NLRP2: variants seen among roughly 807,000 people sequenced by gnomAD.
NLRP2 encodes NACHT, LRR and PYD domains-containing protein 2.
A neutral mutation model predicts 97.2 loss-of-function variants in NLRP2; 107 were observed. The observed-to-expected ratio is 1.10, with a 90% CI of 0.94 to 1.29. The LOEUF (loss-of-function observed/expected upper bound fraction) is 1.29, where lower values mean the gene tolerates loss of function less well. Ranked by LOEUF, NLRP2 falls within the 50% of genes most tolerant of loss-of-function variation. The pLI is 0.00. For missense variants in NLRP2, 1,495 were observed against 1,330.3 expected (o/e 1.12, Z -1.93); for synonymous variants, 663 against 551.5 (o/e 1.20, Z -2.83).
chr19:54,997,700 C>T (rs1032850392), intron 12 of NLRP2, among the ~76,000 whole-genome samples: 2 of 152,034 alleles, frequency 1.3e-5, no homozygotes, highest in Non-Finnish European at 1.5e-5. Flanking sequence ...GGTGATCCGC[C>T]CGCCTCGGCC....
At chr19:54,975,606 C>T (rs1282908264) in intron 3 of NLRP2, among the ~76,000 whole-genome samples, 4 of 150,942 alleles carry the variant, frequency 2.7e-5, no homozygotes, top group East Asian at 2.0e-4. Context: ...CGCCCACCAC[C>T]ACGCCTGGCT....
intron 2 of NLRP2, 122 bp downstream of exon 2, chr19:54,970,417 G>A: frequency 8.6e-7 from 1 of 1,156,198 alleles, no homozygotes. Flanking sequence ...TTGGGAGGCT[G>A]AGGCGGTTGG....
At chr19:54,996,349 A>G (rs2072824014) in intron 11 of NLRP2, among the ~76,000 whole-genome samples, 1 of 151,994 alleles carries the variant, frequency 6.6e-6, no homozygotes, top group African/African-American at 2.4e-5. Flanking sequence ...TGTCTCTCTA[A>G]AACCACAAAA....
At chr19:54,985,253 G>A in intron 7 of NLRP2, 36 bp downstream of exon 7, 1 of 1,595,562 alleles carries the variant, frequency 6.3e-7, no homozygotes, top group South Asian at 1.1e-5. Context: ...CAAATCCTTA[G>A]GGTATGAAAA....
chr19:54,981,686 T>G lies in NLRP2; in HGVS notation c.463+4T>G. 11 of 1,501,676 alleles carry G rather than the reference T, an allele frequency of 7.3e-6. No individual in the cohort carries two copies. The highest frequency in any genetic ancestry group is 1.0e-5 in the Non-Finnish European group (11 of 1,077,374). 93.0% of individuals were successfully genotyped at this position (1,501,676 alleles called of 1,614,324 possible). ...GTCTTTAAAGGAAAAAAGCCAGGTCTGTACCATATCTTCCTGCAGGGAGCT... is the reference window on the plus strand; with the variant it reads ...GTCTTTAAAGGAAAAAAGCCAGGTCGGTACCATATCTTCCTGCAGGGAGCT... On this transcript the variant is annotated splice_donor_region_variant and intron_variant, in intron 5 of 12. Transcript: ENST00000448584.
At chr19:54,977,603 C>CT in intron 3 of NLRP2, 149 bp from the exon 4 acceptor site, 1 of 773,488 alleles carries the variant, frequency 1.3e-6, no homozygotes, top group Non-Finnish European at 2.3e-6. Flanking sequence ...GCCTAATGTA[C>CT]TTTCACTTTT....
intron 4 of NLRP2, 52 bp downstream of exon 4, chr19:54,977,875 TTGC>T (rs1342499353): frequency 1.3e-6 from 2 of 1,519,646 alleles, no homozygotes; most frequent in African/African-American, 1.4e-5. Context: ...CCCCCCGTTC[TTGC>T]TGCTATCTCC....
At chr19:54,969,520 T>G (rs1037608649) in intron 1 of NLRP2, among the ~76,000 whole-genome samples, 1 of 147,858 alleles carries the variant, frequency 6.8e-6, no homozygotes, top group Non-Finnish European at 1.5e-5. Context: ...CTGAGCGTGG[T>G]GGTGGGTGCC....
rs369991898 is a variant in NLRP2, at chr19:54,982,583, C to T, written c.885C>T (p.Ala295=). 20 of 1,614,162 alleles carry T rather than the reference C, an allele frequency of 1.2e-5. No homozygotes were observed. The highest frequency in any genetic ancestry group is 9.3e-5 in the African/African-American group (7 of 75,036). ...TTGACGGCTTTGATGAGCTGGGAGC[C>T]GCACCTGGGGCGCTGATCGAGGACA... is the stretch of plus-strand genomic sequence containing the variant. ...FVIDGFDELG[A]APGALIEDIC... Residue 295 remains alanine (A), a synonymous_variant, in exon 6 of 13, where the codon GCC becomes GCT. Coordinates refer to ENST00000448584, the MANE Select transcript of NLRP2 (RefSeq NM_017852.5).
Position 54,983,513 on chromosome 19 carries a change from C to G in NLRP2, c.1815C>G (p.Leu605=), listed in dbSNP as rs11672113. ...CAACGGTGACAGACCTGCAGGAGCT[C>G]CTCGGCTGTCTGTACGAGTCTCAGG... is the stretch of plus-strand genomic sequence containing the variant. ...GHSTVTDLQE[L]LGCLYESQEE... Residue 605 remains leucine (L), a synonymous_variant, in exon 6 of 13, where the codon CTC becomes CTG. Transcript: ENST00000448584. The G allele has an allele frequency of 0.36, 576,491 of 1,613,868 alleles. 105,684 individuals are homozygous for G. Among genetic ancestry groups the G allele is most frequent in the Admixed American group, 0.39 (23,167 of 59,948 alleles).
At chr19:54,989,340 C>T (rs1238897938) in intron 8 of NLRP2, among the ~76,000 whole-genome samples, 2 of 151,890 alleles carry the variant, frequency 1.3e-5, no homozygotes, top group Admixed American at 6.6e-5. Context: ...GGCAAGATGG[C>T]ATTTGCCTGT....
At chr19:54,979,742 ATC>A (rs1285022051) in intron 4 of NLRP2, among the ~76,000 whole-genome samples, 4 of 152,092 alleles carry the variant, frequency 2.6e-5, no homozygotes, top group Non-Finnish European at 5.9e-5. Context: ...TGCCCTGTTC[ATC>A]TCTCTAGACA....
At chr19:54,999,389 C>T (rs1009228195) in intron 12 of NLRP2, among the ~76,000 whole-genome samples, 10 of 152,208 alleles carry the variant, frequency 6.6e-5, no homozygotes, top group Admixed American at 4.6e-4. Context: ...TCAGGTGACC[C>T]GCCTGCCTCA....
At position 54,994,286 on chromosome 19, in the gene NLRP2, T is replaced by G; in HGVS notation, c.2726T>G (p.Ile909Arg). 6.2e-7 allele frequency: 1 copy of G among 1,614,120 alleles called. No individual in the cohort carries two copies. The highest frequency in any genetic ancestry group is 1.1e-5 in the South Asian group (1 of 91,078). ...ATTTCTAGGCTTTGGAACTGCGACA[T>G]AACTAGCGATGGCTGCTGCGATCTC... ...LQTLVLWNCD[I>R]TSDGCCDLTK... The change falls in exon 11 of 13, where the codon ATA (isoleucine) becomes AGA (arginine). Residue 909 changes from isoleucine (I) to arginine (R), a missense_variant. Physicochemically the swap from Ile to Arg is moderately conservative, Grantham distance 97 (BLOSUM62 -3). Transcript: ENST00000448584.
At chr19:54,972,289 C>A (rs544433317) in intron 2 of NLRP2, among the ~76,000 whole-genome samples, 1 of 152,014 alleles carries the variant, frequency 6.6e-6, no homozygotes, top group Non-Finnish European at 1.5e-5. Context: ...TCAAGTGTTT[C>A]TCCTGCATCA....
intron 4 of NLRP2, among the ~76,000 whole-genome samples, chr19:54,981,151 C>T (rs898346703): frequency 6.6e-6 from 1 of 152,178 alleles, no homozygotes; most frequent in African/African-American, 2.4e-5. Flanking sequence ...TTTGTATGCC[C>T]TGAACCATGG....
chr19:54,986,307 A>C lies in NLRP2; in HGVS notation c.2358A>C (p.Arg786=). The C allele has an allele frequency of 1.2e-6, 2 of 1,613,582 alleles. No individual in the cohort carries two copies. The highest frequency in any genetic ancestry group is 1.7e-6 in the Non-Finnish European group (2 of 1,179,510). Reference sequence around the variant, plus strand: ...TGAGACATCCAGAATGTAACCTGCGATATCTCGGGTATATCTCTTAATCAT... The same window carrying C: ...TGAGACATCCAGAATGTAACCTGCGCTATCTCGGGTATATCTCTTAATCAT... ...EVLRHPECNL[R]YLGLVSCSAT... is the part of the protein sequence containing the mutation. Residue 786 remains arginine, a synonymous_variant, in exon 8 of 13, where the codon CGA becomes CGC. Coordinates refer to ENST00000448584, the MANE Select transcript of NLRP2 (RefSeq NM_017852.5).
At chr19:54,971,807 CAATAAA>C (rs2070870595) in intron 2 of NLRP2, among the ~76,000 whole-genome samples, 1 of 151,900 alleles carries the variant, frequency 6.6e-6, no homozygotes, top group Non-Finnish European at 1.5e-5. Flanking sequence ...AATAACAATA[CAATAAA>C]ATGCACATGA....
chr19:54,974,125 G>T (rs754609986), intron 2 of NLRP2: 10 of 690,914 alleles, frequency 1.4e-5, no homozygotes, highest in South Asian at 1.4e-4. Context: ...GGAGGCCGAG[G>T]TGGGCGGATC....
Sources: allele counts gnomAD v4.1 joint callset (sites outside exome capture counted in the v4.1 genomes callset), GRCh38; gene constraint gnomAD v4.1.1; transcripts MANE v1.5; gene names NCBI Gene and HGNC (gene_info 2026-07-23, HGNC 2026-07-21).